The following TYSND1 variants were observed in gnomAD, a reference collection of about 807,000 sequenced individuals.
TYSND1 encodes trypsin like peroxisomal matrix peptidase 1, also known as peroxisomal leader peptide-processing protease.
A neutral mutation model predicts 37.2 loss-of-function variants in TYSND1; 30 were observed. That is an observed-to-expected ratio of 0.81 (90% confidence interval 0.60 to 1.09). The LOEUF is 1.09. TYSND1 is among the 50% of genes least tolerant of loss of function. The pLI is 0.00. For synonymous variants in TYSND1, 364 were observed against 383.8 expected (o/e 0.95, Z 0.60); for missense variants, 806 against 817.4 (o/e 0.99, Z 0.17).
Position 70,139,951 on chromosome 10 carries a change from C to T in TYSND1, c.1674G>A (p.Leu558=). Residue 558 remains leucine, a synonymous_variant, in exon 4 of 4, where the codon CTG becomes CTA. Transcript: ENST00000287078. The part of the protein sequence containing the change: ...VRVVWRLQRP[L]AEAPRSKL ...AGAGCTTGCTCCGCGGGGCCTCTGC[C>T]AGGGGCCGCTGCAACCGCCACACCA... The T allele has an allele frequency of 6.2e-7, 1 of 1,613,628 alleles. No homozygotes were observed. Among genetic ancestry groups the T allele is most frequent in the African/African-American group, 1.3e-5 (1 of 75,038 alleles).
rs1019754044 is a variant in TYSND1 at position 70,146,266 on chromosome 10, C to T, written c.321G>A (p.Thr107=). The change falls in exon 1 of 4, where the codon ACG becomes ACA. Residue 107 remains threonine (T), a synonymous_variant. Coordinates refer to ENST00000287078, the MANE Select transcript of TYSND1 (RefSeq NM_173555.4). ...CGGGCTCGAGGCTCGCGCACTGGGG[C>T]GTGCACAGCCCTGGGCGGCCCCGCT... The part of the protein sequence containing the change: ...GAERGRPGLC[T]PQCASLEPGP... 2.0e-6 allele frequency: 3 copies of T among 1,475,750 alleles called. No individual in the cohort carries two copies. Among genetic ancestry groups the T allele is most frequent in the Non-Finnish European group, 2.7e-6 (3 of 1,122,652 alleles). The allele number at this position is 1,475,750 out of a possible 1,614,324, so 91.4% of individuals were successfully genotyped here.
chr10:70,142,889 C>A (rs1015960354), intron 2 of TYSND1, 36 bp from the exon 3 acceptor site: 2 of 1,605,964 alleles, frequency 1.2e-6, no homozygotes, highest in East Asian at 4.5e-5. Context: ...GCTGGGGACA[C>A]CTGTGTTACA....
Position 70,143,873 on chromosome 10 carries a change from G to A in TYSND1, c.1266C>T (p.Pro422=), listed in dbSNP as rs1225502307. 6.2e-7 allele frequency: 1 copy of A among 1,614,200 alleles called. No homozygotes were observed. The highest frequency in any genetic ancestry group is 8.5e-7 in the Non-Finnish European group (1 of 1,180,050). The change falls in exon 2 of 4, where the codon CCC becomes CCT. Residue 422 remains proline, a synonymous_variant. Transcript: ENST00000287078. ...GGAAGTGCTCAGCGGGCACAGGGATGGGGACATCATCCAGGTCCTCCTCCA... is the reference window on the plus strand; with the variant it reads ...GGAAGTGCTCAGCGGGCACAGGGATAGGGACATCATCCAGGTCCTCCTCCA... ...VSLEEDLDDV[P]IPVPAEHFHE...
chr10:70,146,201 C>A lies in TYSND1; in HGVS notation c.386G>T (p.Arg129Leu). Residue 129 changes from arginine to leucine, a missense_variant, in exon 1 of 4, where the codon CGG (arginine) becomes CTG (leucine). Physicochemically the swap from Arg to Leu is moderately radical, Grantham distance 102 (BLOSUM62 -2). Coordinates refer to ENST00000287078, the MANE Select transcript of TYSND1 (RefSeq NM_173555.4). ...CAGCAGCAGCAGCTCAGCAGGAAGCCGGGGCTGCAGGGGACGCCCGCGGGA... is the reference window on the plus strand; with the variant it reads ...CAGCAGCAGCAGCTCAGCAGGAAGCAGGGGCTGCAGGGGACGCCCGCGGGA... Reference protein sequence around the residue: ...APSRGRPLQPRLPAELLLLLS... With the variant: ...APSRGRPLQPLLPAELLLLLS... 6.5e-7 allele frequency: 1 copy of A among 1,529,088 alleles called. No homozygotes were observed. Among genetic ancestry groups the A allele is most frequent in the Non-Finnish European group, 8.8e-7 (1 of 1,142,656 alleles). 94.7% of individuals were successfully genotyped at this position (1,529,088 alleles called of 1,614,324 possible). A position where few individuals can be genotyped will look rare whatever the true frequency, so the allele number is the denominator to read the frequency against.
intron 3 of TYSND1, among the ~76,000 whole-genome samples, chr10:70,142,156 T>G (rs753978453): frequency 2.0e-5 from 3 of 152,218 alleles, no homozygotes; most frequent in Non-Finnish European, 4.4e-5. Flanking sequence ...AAAACCTGAA[T>G]GTTACCAAAA....
chr10:70,146,297 C>T lies in TYSND1; in HGVS notation c.290G>A (p.Gly97Asp). Residue 97 changes from glycine (G) to aspartate (D), a missense_variant, in exon 1 of 4, where the codon GGC (glycine) becomes GAC (aspartate). Physicochemically the swap from Gly to Asp is moderately conservative, Grantham distance 94. Around this residue, in one of 3 missense-constraint regions of TYSND1, gnomAD observed 708 missense variants for 705.4 expected, o/e 1.00. Coordinates refer to ENST00000287078, the MANE Select transcript of TYSND1 (RefSeq NM_173555.4). ...CAGCCCTGGGCGGCCCCGCTCCGCG[C>T]CGCCCCCGGGACCCGCGGCCGTTGG... is the stretch of plus-strand genomic sequence containing the variant. Reference protein sequence around the residue: ...WAPTAAGPGGGAERGRPGLCT... With the variant: ...WAPTAAGPGGDAERGRPGLCT... 1 of 1,481,126 alleles carries T rather than the reference C, an allele frequency of 6.8e-7. No homozygotes were observed. The highest frequency in any genetic ancestry group is 8.9e-7 in the Non-Finnish European group (1 of 1,125,694). The allele number at this position is 1,481,126 out of a possible 1,614,324, so 91.7% of individuals were successfully genotyped here. A position where few individuals can be genotyped will look rare whatever the true frequency, so the allele number is the denominator to read the frequency against.
At position 70,140,120 on chromosome 10, in the gene TYSND1, C is replaced by T. The variant is rs182976945; in HGVS notation, c.1505G>A (p.Arg502Gln). ...NLLGIITSNT[R>Q]DNNTGATYPH... ...GTAGGTGGCCCCCGTATTATTGTCC[C>T]GGGTGTTGCTGGTGATTATGCCTGT... is the stretch of plus-strand genomic sequence containing the variant. Residue 502 changes from arginine (R) to glutamine (Q), a missense_variant, in exon 4 of 4, where the codon CGG becomes CAG. Physicochemically the swap from Arg to Gln is conservative, Grantham distance 43. Around this residue, in one of 3 missense-constraint regions of TYSND1, gnomAD observed 708 missense variants for 705.4 expected, o/e 1.00. Transcript: ENST00000287078. 6.8e-5 allele frequency: 110 copies of T among 1,611,262 alleles called. 1 individual carries two copies. In the Admixed American group the frequency reaches 7.5e-4, roughly 11 times the overall value.
chr10:70,144,055 A>G, intron 1 of TYSND1, 83 bp from the exon 2 acceptor site: 2 of 1,568,260 alleles, frequency 1.3e-6, no homozygotes, highest in South Asian at 1.2e-5. Flanking sequence ...GAGTGACAGT[A>G]AAAGTCAGAA....
In TYSND1 at chr10:70,145,915, G is replaced by A. The variant is rs1207058685; in HGVS notation, c.672C>T (p.Ser224=). 1 of 1,550,070 alleles carries A rather than the reference G, an allele frequency of 6.5e-7. No homozygotes were observed. The highest frequency in any genetic ancestry group is 8.7e-7 in the Non-Finnish European group (1 of 1,147,428). ...PKGAPLLVCG[S]PFGAFCPDIF... ...TGTCGGGGCAGAAGGCGCCGAAAGG[G>A]GAGCCGCAGACCAGCAATGGCGCAC... The change falls in exon 1 of 4, where the codon TCC becomes TCT. Residue 224 remains serine, a synonymous_variant. Transcript: ENST00000287078.
intron 3 of TYSND1, 100 bp downstream of exon 3, chr10:70,142,568 C>T: frequency 6.8e-6 from 8 of 1,175,578 alleles, no homozygotes; most frequent in Middle Eastern, 2.9e-4. Context: ...CCACCATTTT[C>T]CCAGACAGAG....
In TYSND1 at chr10:70,146,318, G is replaced by A; in HGVS notation, c.269C>T (p.Thr90Met). The A allele has an allele frequency of 1.3e-6, 2 of 1,511,682 alleles. No individual in the cohort carries two copies. Among genetic ancestry groups the A allele is most frequent in the Non-Finnish European group, 1.8e-6 (2 of 1,137,528 alleles). 93.6% of individuals were successfully genotyped at this position (1,511,682 alleles called of 1,614,324 possible). Residue 90 changes from threonine to methionine, a missense_variant, in exon 1 of 4, where the codon ACG becomes ATG. Physicochemically the swap from Thr to Met is moderately conservative, Grantham distance 81. This residue lies in a region of TYSND1 where 708 missense variants were observed against 705.4 expected (regional missense o/e 1.00). Coordinates refer to ENST00000287078, the MANE Select transcript of TYSND1 (RefSeq NM_173555.4). ...DLRLHVQWAP[T>M]AAGPGGGAER... is the part of the protein sequence containing the mutation. ...CGCGCCGCCCCCGGGACCCGCGGCC[G>A]TTGGGGCCCACTGCACGTGCAGGCG... is the stretch of plus-strand genomic sequence containing the variant.
chr10:70,140,269 A>T, intron 3 of TYSND1, 128 bp from the exon 4 acceptor site: 1 of 686,110 alleles, frequency 1.5e-6, no homozygotes, highest in South Asian at 2.0e-5. Context: ...CCACGTGGTG[A>T]CAGACGCTGA....
chr10:70,146,476 T>A lies in TYSND1; in HGVS notation c.111A>T (p.Val37=). Residue 37 remains valine (V), a synonymous_variant, in exon 1 of 4, where the codon GTA becomes GTT. Transcript: ENST00000287078. ...PEAGPWSCSG[V]ILSRSPGLVL... ...CCAGGCCCGGGCTACGGCTCAGGAT[T>A]ACCCCGCTGCAGCTCCACGGGCCCG... The A allele has an allele frequency of 1.9e-6, 3 of 1,602,006 alleles. No individual in the cohort carries two copies. Among genetic ancestry groups the A allele is most frequent in the Non-Finnish European group, 2.5e-6 (3 of 1,178,322 alleles).
In TYSND1 at chr10:70,139,687, A is replaced by C. The variant is rs2072728716; in HGVS notation, c.*237T>G. ...ACAGCTGAGTCTAGTGCTAGGGGAC[A>C]GAGAACTGGGGGCTCAAGAAAGCAC... On this transcript the variant is annotated 3_prime_UTR_variant, in exon 4 of 4. Coordinates refer to ENST00000287078, the MANE Select transcript of TYSND1 (RefSeq NM_173555.4). 2 of 520,148 alleles carry C rather than the reference A, an allele frequency of 3.8e-6. No individual in the cohort carries two copies. Among genetic ancestry groups the C allele is most frequent in the Non-Finnish European group, 6.8e-6 (2 of 292,562 alleles). The allele number at this position is 520,148 out of a possible 1,614,324, so 32.2% of individuals were successfully genotyped here.
chr10:70,140,309 A>C (rs1200805168), intron 3 of TYSND1, among the ~76,000 whole-genome samples, 168 bp from the exon 4 acceptor site: 1 of 152,028 alleles, frequency 6.6e-6, no homozygotes, highest in Admixed American at 6.5e-5. Context: ...TGCTGCCCAC[A>C]CCCTTTCCTG....
intron 1 of TYSND1, 124 bp downstream of exon 1, chr10:70,145,297 C>CCACT: frequency 1.1e-6 from 1 of 942,974 alleles, no homozygotes; most frequent in African/African-American, 1.7e-5. Flanking sequence ...AGGTCTCTAC[C>CCACT]CACTACACGC....
In TYSND1 at chr10:70,143,659, G is replaced by A. The variant is rs376667662; in HGVS notation, c.1297+183C>T. On this transcript the variant is annotated intron_variant, in intron 2 of 3. Transcript: ENST00000287078. Reference sequence around the variant, plus strand: ...TGCTGCAGGCACTCGGGGAAAGGGCGTGCAGCATTATCCTTCCCAGGGCAC... The same window carrying A: ...TGCTGCAGGCACTCGGGGAAAGGGCATGCAGCATTATCCTTCCCAGGGCAC... 1.4e-4 allele frequency among the ~76,000 whole-genome samples: 22 copies of A among 152,312 alleles called. No homozygotes were observed. In the South Asian group the frequency reaches 3.7e-3, roughly 26 times the overall value.
Sources: gnomAD v4.1 joint callset for allele counts (sites outside exome capture counted in the v4.1 genomes callset) on GRCh38, gnomAD v4.1.1 for gene constraint, gnomAD v4.1.1 regional missense constraint, MANE v1.5 for transcripts, NCBI Gene and HGNC (gene_info 2026-07-23, HGNC 2026-07-21) for gene names.